RMND5B: variants seen among roughly 807,000 people sequenced by gnomAD.
RMND5B encodes E3 ubiquitin-protein transferase RMND5B.
RMND5B carries 42 observed loss-of-function variants against 50.4 expected under a neutral mutation model. The observed-to-expected ratio is 0.83, with a 90% CI of 0.65 to 1.08. The LOEUF is 1.08. Among genes scored for constraint, RMND5B ranks in the 50% least tolerant of loss-of-function variants. RMND5B has a pLI of 0.00. For missense variants in RMND5B, 463 were observed against 508.5 expected (o/e 0.91, Z 0.86); for synonymous variants, 220 against 210.0 (o/e 1.05, Z -0.41).
At chr5:178,143,542 C>A in intron 5 of RMND5B, 85 bp from the exon 6 acceptor site, 2 of 1,066,346 alleles carry the variant, frequency 1.9e-6, no homozygotes, top group Non-Finnish European at 2.9e-6. Context: ...CTGTCTTTGG[C>A]GGGTGAGCTT....
chr5:178,135,990 C>G (rs964498109), intron 2 of RMND5B: 2 of 152,156 alleles, frequency 1.3e-5, no homozygotes, highest in Non-Finnish European at 2.9e-5. Flanking sequence ...ACACTCATTC[C>G]AACACAGATA....
In RMND5B at chr5:178,143,769, C is replaced by T. The variant is rs767240768; in HGVS notation, c.527+42C>T. The T allele has an allele frequency of 4.7e-6, 7 of 1,503,256 alleles. No individual in the cohort carries two copies. The South Asian group carries it at 7.9e-5, about 17-fold the overall frequency. The allele number at this position is 1,503,256 out of a possible 1,614,324, so 93.1% of individuals were successfully genotyped here. ...GTGGGCCAGCAGCATTCTGCTTCGA[C>T]CTCTCAGGGCACAGGGCTTGACTGT... On this transcript the variant is annotated intron_variant, in intron 6 of 10. Coordinates refer to ENST00000313386, the MANE Select transcript of RMND5B (RefSeq NM_022762.5).
At position 178,143,980 on chromosome 5, in the gene RMND5B, A is replaced by G. The variant is rs142121381; in HGVS notation, c.566A>G (p.Asn189Ser). 1.2e-5 allele frequency: 19 copies of G among 1,614,220 alleles called. No homozygotes were observed. The highest frequency in any genetic ancestry group is 6.7e-5 in the Admixed American group (4 of 60,020). Residue 189 changes from asparagine to serine, a missense_variant, in exon 7 of 11, where the codon AAC (asparagine) becomes AGC (serine). Coordinates refer to ENST00000313386, the MANE Select transcript of RMND5B (RefSeq NM_022762.5). ...VSHRQRLLEL[N>S]SSLEFKLHRL... Reference sequence around the variant, plus strand: ...CACAGGCAGCGCCTGCTGGAACTCAACAGCTCCCTGGAGTTCAAGCTGCAC... The same window carrying G: ...CACAGGCAGCGCCTGCTGGAACTCAGCAGCTCCCTGGAGTTCAAGCTGCAC...
intron 7 of RMND5B, among the ~76,000 whole-genome samples, chr5:178,145,435 G>C (rs547413885): frequency 7.5e-4 from 113 of 150,926 alleles, no homozygotes; most frequent in Non-Finnish European, 1.3e-3. Flanking sequence ...GCAGTGAACC[G>C]AGATTGTGCC....
intron 3 of RMND5B, among the ~76,000 whole-genome samples, chr5:178,139,234 TCTTA>T (rs1363157037): frequency 6.7e-6 from 1 of 148,550 alleles, no homozygotes; most frequent in African/African-American, 2.5e-5. Context: ...TGAGATGGAG[TCTTA>T]CTGTTGCTCA....
At position 178,147,806 on chromosome 5, in the gene RMND5B, T is replaced by C; in HGVS notation, c.1041T>C (p.Asp347=). 4 of 1,614,172 alleles carry C rather than the reference T, an allele frequency of 2.5e-6. No homozygotes were observed. Among genetic ancestry groups the C allele is most frequent in the Non-Finnish European group, 3.4e-6 (4 of 1,180,038 alleles). The change falls in exon 10 of 11, where the codon GAT becomes GAC. Residue 347 remains aspartate (D), a synonymous_variant. Transcript: ENST00000313386. The part of the protein sequence containing the change: ...ACPILRQQTS[D]SNPPIKLICG... ...CCATCCTCCGCCAGCAGACGTCAGA[T>C]TCCAACCCTCCCATCAAGCTCATCT...
chr5:178,135,317 A>G, intron 2 of RMND5B: 1 of 199,332 alleles, frequency 5.0e-6, no homozygotes, highest in Non-Finnish European at 1.1e-5. Context: ...GCCCAGGTAA[A>G]TTTGCCGTGT....
intron 2 of RMND5B, among the ~76,000 whole-genome samples, chr5:178,136,979 G>C (rs544572771): frequency 3.9e-5 from 6 of 152,284 alleles, no homozygotes; most frequent in African/African-American, 1.4e-4. Flanking sequence ...GGCAGGCCCA[G>C]TGACCAAAAC....
At position 178,142,950 on chromosome 5, in the gene RMND5B, G is replaced by A. The variant is rs771885313; in HGVS notation, c.384G>A (p.Leu128=). 1.2e-6 allele frequency: 2 copies of A among 1,614,228 alleles called. No individual in the cohort carries two copies. Among genetic ancestry groups the A allele is most frequent in the South Asian group, 1.1e-5 (1 of 91,084 alleles). Residue 128 remains leucine (L), a synonymous_variant, in exon 5 of 11, where the codon CTG becomes CTA. Transcript: ENST00000313386. ...QILQMAIVEH[L]YQQGMLSVAE... ...TGCAGATGGCCATCGTGGAACACCT[G>A]TATCAGCAGGGCATGCTCAGCGTGG...
chr5:178,141,695 A>C (rs558285553), intron 3 of RMND5B: 12 of 152,278 alleles, frequency 7.9e-5, no homozygotes, highest in East Asian at 3.9e-4. Flanking sequence ...AAAATAAATA[A>C]ATACATACAT....
Position 178,142,893 on chromosome 5 carries a change from G to A in RMND5B, c.327G>A (p.Val109=). Residue 109 remains valine, a synonymous_variant, in exon 5 of 11, where the codon GTG becomes GTA. Coordinates refer to ENST00000313386, the MANE Select transcript of RMND5B (RefSeq NM_022762.5). ...SEICGVVSDA[V]WDAREQQQQI... ...TCTGTGGTGTTGTGTCAGATGCGGTGTGGGACGCGCGGGAACAGCAGCAGC... is the reference window on the plus strand; with the variant it reads ...TCTGTGGTGTTGTGTCAGATGCGGTATGGGACGCGCGGGAACAGCAGCAGC... 1 of 1,614,258 alleles carries A rather than the reference G, an allele frequency of 6.2e-7. No individual in the cohort carries two copies. Among genetic ancestry groups the A allele is most frequent in the Non-Finnish European group, 8.5e-7 (1 of 1,180,048 alleles).
intron 8 of RMND5B, chr5:178,147,120 T>TC (rs1351937828): frequency 5.4e-6 from 1 of 184,686 alleles, no homozygotes; most frequent in Non-Finnish European, 1.1e-5. Context: ...AACCCCAACC[T>TC]CCATTTGTTA....
Position 178,142,595 on chromosome 5 carries a change from C to T in RMND5B, c.152C>T (p.Thr51Ile), listed in dbSNP as rs1759000983. The T allele has an allele frequency of 6.2e-7, 1 of 1,612,406 alleles. No homozygotes were observed. Residue 51 changes from threonine (T) to isoleucine (I), a missense_variant, in exon 4 of 11, where the codon ACC (threonine) becomes ATC (isoleucine). Transcript: ENST00000313386. Reference protein sequence around the residue: ...AELASAALQGTPLSATLSLVM... With the variant: ...AELASAALQGIPLSATLSLVM... Reference sequence around the variant, plus strand: ...ACTTTCTCTGCAGCCCTCCAGGGGACCCCTCTCTCAGCCACCCTCTCTCTG... The same window carrying T: ...ACTTTCTCTGCAGCCCTCCAGGGGATCCCTCTCTCAGCCACCCTCTCTCTG...
chr5:178,131,842 G>A (rs1758327196), intron 2 of RMND5B, among the ~76,000 whole-genome samples: 1 of 152,140 alleles, frequency 6.6e-6, no homozygotes, highest in South Asian at 2.1e-4. Context: ...GCTAAAGTAT[G>A]GTAAGAAAGG....
In RMND5B at chr5:178,137,251, G is replaced by A. The variant is rs1056222724; in HGVS notation, c.-12-857G>A. 1.2e-4 allele frequency among the ~76,000 whole-genome samples: 19 copies of A among 152,146 alleles called. No homozygotes were observed. Among genetic ancestry groups the A allele is most frequent in the East Asian group, 5.8e-4 (3 of 5,192 alleles). Reference sequence around the variant, plus strand: ...TGAGGCAGGAGTGCTGGGCAAGTCCGTCAGGCCAGCATGGTTGGCAGTTAT... The same window carrying A: ...TGAGGCAGGAGTGCTGGGCAAGTCCATCAGGCCAGCATGGTTGGCAGTTAT... On this transcript the variant is annotated intron_variant, in intron 2 of 10. Coordinates refer to ENST00000313386, the MANE Select transcript of RMND5B (RefSeq NM_022762.5). This position sits in a 1 kb window ranked among gnomAD's most constrained non-coding sequence, Gnocchi z 4.4.
At chr5:178,133,081 T>C (rs1758423985) in intron 2 of RMND5B, among the ~76,000 whole-genome samples, 1 of 152,010 alleles carries the variant, frequency 6.6e-6, no homozygotes, top group African/African-American at 2.4e-5. Context: ...GTCAGGCTGG[T>C]CTCAAACTCC....
chr5:178,138,048 C>T lies in RMND5B; in HGVS notation c.-12-60C>T, dbSNP rs1758709382. ...GAGGGATCTGAAGAGGTGGTCTGGG[C>T]ACCCTGCCTGCCATGCCACCGTGGC... On this transcript the variant is annotated intron_variant, in intron 2 of 10. Transcript: ENST00000313386. This position sits in a 1 kb window ranked among gnomAD's most constrained non-coding sequence, Gnocchi z 5.1. 1 of 1,490,706 alleles carries T rather than the reference C, an allele frequency of 6.7e-7. No individual in the cohort carries two copies. The highest frequency in any genetic ancestry group is 9.0e-7 in the Non-Finnish European group (1 of 1,106,766). 92.3% of individuals were successfully genotyped at this position (1,490,706 alleles called of 1,614,324 possible). A position where few individuals can be genotyped will look rare whatever the true frequency, so the allele number is the denominator to read the frequency against.
At chr5:178,147,663 C>T in intron 9 of RMND5B, 28 bp downstream of exon 9, 7 of 1,613,884 alleles carry the variant, frequency 4.3e-6, no homozygotes, top group Non-Finnish European at 5.9e-6. Context: ...GAATCGTGGG[C>T]AAGAGGTACT....
chr5:178,134,779 CA>C (rs1321690513), intron 2 of RMND5B, among the ~76,000 whole-genome samples: 1 of 148,982 alleles, frequency 6.7e-6, no homozygotes, highest in Admixed American at 6.7e-5. Context: ...CCAGCCTGGC[CA>C]AAATGGCGAA....
Sources: allele counts gnomAD v4.1 joint callset (sites outside exome capture counted in the v4.1 genomes callset), GRCh38; gene constraint gnomAD v4.1.1; non-coding constraint Gnocchi (gnomAD v3.1); transcripts MANE v1.5; gene names NCBI Gene and HGNC (gene_info 2026-07-23, HGNC 2026-07-21).